The following DPP3 variants were observed in gnomAD, a reference collection of about 807,000 sequenced individuals.
The protein encoded by DPP3 is dipeptidyl peptidase 3, also known as DPP III.
A neutral mutation model predicts 89.8 loss-of-function variants in DPP3; 64 were observed. The ratio of observed to expected loss-of-function variants is 0.71; its 90% confidence interval spans 0.58 to 0.88. The LOEUF is 0.88. Ranked by LOEUF, DPP3 falls within the 40% of genes least tolerant of loss-of-function variation. The pLI is 0.00. For synonymous variants in DPP3, 377 were observed against 404.3 expected (o/e 0.93, Z 0.81); for missense variants, 835 against 972.5 (o/e 0.86, Z 1.88).
intron 8 of DPP3, 27 bp downstream of exon 8, chr11:66,491,651 C>T (rs1326275786): frequency 3.1e-6 from 5 of 1,605,842 alleles, no homozygotes; most frequent in Middle Eastern, 1.7e-4. Flanking sequence ...ACCCCACCTG[C>T]CCCCTCCTGC....
chr11:66,490,229 A>T (rs1016490576), intron 6 of DPP3, among the ~76,000 whole-genome samples: 1 of 151,820 alleles, frequency 6.6e-6, no homozygotes, highest in Non-Finnish European at 1.5e-5. Context: ...GTTTTTACAT[A>T]GCCTTGAAGT....
chr11:66,487,010 C>T (rs1423956160), intron 4 of DPP3, among the ~76,000 whole-genome samples: 2 of 152,154 alleles, frequency 1.3e-5, no homozygotes, highest in Admixed American at 6.5e-5. Context: ...CCTCTGGAGG[C>T]CACATCCGTT....
In DPP3 at chr11:66,501,546, C is replaced by T. The variant is rs560145528; in HGVS notation, c.1879-3066C>T. Among the ~76,000 whole-genome samples the T allele has an allele frequency of 1.1e-3, 170 of 152,090 alleles. 2 individuals are homozygous for T. Among genetic ancestry groups the T allele is most frequent in the African/African-American group, 2.6e-3 (109 of 41,498 alleles). On this transcript the variant is annotated intron_variant, in intron 16 of 17. Coordinates refer to ENST00000531863, the MANE Select transcript of DPP3 (RefSeq NM_130443.4). ...CAATATATACAGTTCAAAAACCGGC[C>T]GGGCACAGTGGCTCACCACTGTAAT...
chr11:66,483,048 C>T (rs547416629), intron 2 of DPP3: 4 of 142,302 alleles, frequency 2.8e-5, no homozygotes, highest in East Asian at 4.2e-4. Context: ...TTTTTTGTGA[C>T]AGAGTCTCAT....
chr11:66,497,375 C>T lies in DPP3; in HGVS notation c.1776C>T (p.Thr592=). Reference sequence around the variant, plus strand: ...AGGGACTCGTTACCATCACTCCCACCACAGGCTCCGATGGGCGCCCAGATG... The same window carrying T: ...AGGGACTCGTTACCATCACTCCCACTACAGGCTCCGATGGGCGCCCAGATG... ...AGEGLVTITP[T]TGSDGRPDAR... is the part of the protein sequence containing the mutation. Residue 592 remains threonine (T), a synonymous_variant, in exon 16 of 18, where the codon ACC becomes ACT. Transcript: ENST00000531863. 1 of 1,614,034 alleles carries T rather than the reference C, an allele frequency of 6.2e-7. No individual in the cohort carries two copies.
intron 3 of DPP3, among the ~76,000 whole-genome samples, chr11:66,486,168 C>G (rs1855221647): frequency 6.6e-6 from 1 of 152,090 alleles, no homozygotes; most frequent in South Asian, 2.1e-4. Context: ...GTCTTGAACT[C>G]CTGGGCTCAA....
chr11:66,492,605 C>A, intron 9 of DPP3, 111 bp from the exon 10 acceptor site: 1 of 1,309,966 alleles, frequency 7.6e-7, no homozygotes, highest in Non-Finnish European at 1.0e-6. Context: ...TCTTCCAGCC[C>A]AGGGTGACTG....
intron 15 of DPP3, among the ~76,000 whole-genome samples, chr11:66,496,339 C>T (rs561842165): frequency 4.6e-5 from 7 of 152,020 alleles, no homozygotes; most frequent in African/African-American, 1.2e-4. Flanking sequence ...CTCCGCCTCC[C>T]GGGTTCAAGC....
At chr11:66,490,145 T>TAA (rs201526861) in intron 6 of DPP3, among the ~76,000 whole-genome samples, 115 of 94,766 alleles carry the variant, frequency 1.2e-3, no homozygotes, top group East Asian at 4.0e-3. Context: ...AGATCCTATC[T>TAA]AAAAAAAAAA....
chr11:66,509,440 CTG>C lies in DPP3; in HGVS notation c.*192_*193del. On this transcript the variant is annotated 3_prime_UTR_variant, in exon 18 of 18. Coordinates refer to ENST00000531863, the MANE Select transcript of DPP3 (RefSeq NM_130443.4). ...TTCCAGCCTGCCAATTGCTTCCCCT[CTG>C]TGATCTCATTTCATCTGCACTGCCA... 6.6e-7 allele frequency: 1 copy of C among 1,525,436 alleles called. No homozygotes were observed. The highest frequency in any genetic ancestry group is 8.8e-7 in the Non-Finnish European group (1 of 1,137,248). The allele number at this position is 1,525,436 out of a possible 1,614,324, so 94.5% of individuals were successfully genotyped here.
In DPP3 at chr11:66,491,754, A is replaced by C; in HGVS notation, c.986A>C (p.Glu329Ala). 6.2e-7 allele frequency: 1 copy of C among 1,612,618 alleles called. No individual in the cohort carries two copies. Among genetic ancestry groups the C allele is most frequent in the African/African-American group, 1.3e-5 (1 of 74,428 alleles). ...CCCTTTGGTTCCCGAGGAGAATTTG[A>C]AGGTAACTTCCTCAGGGAGGAGGTC... ...RDPFGSRGEFEGFVAVVNKAM... is the reference protein window; with the variant it reads ...RDPFGSRGEFAGFVAVVNKAM... The change falls in exon 9 of 18, where the codon GAA becomes GCA. Residue 329 changes from glutamate (E) to alanine (A), a missense_variant and splice_region_variant. Coordinates refer to ENST00000531863, the MANE Select transcript of DPP3 (RefSeq NM_130443.4).
At chr11:66,503,257 G>A (rs879516194) in intron 16 of DPP3, among the ~76,000 whole-genome samples, 4 of 152,074 alleles carry the variant, frequency 2.6e-5, no homozygotes, top group Non-Finnish European at 5.9e-5. Context: ...ATGAGCCACC[G>A]TGCCCAGCCA....
chr11:66,491,771 G>A lies in DPP3; in HGVS notation c.988+15G>A, dbSNP rs745809852. 6 of 1,613,684 alleles carry A rather than the reference G, an allele frequency of 3.7e-6. No individual in the cohort carries two copies. Among genetic ancestry groups the A allele is most frequent in the Non-Finnish European group, 5.1e-6 (6 of 1,179,840 alleles). The stretch of plus-strand genomic sequence containing the variant: ...AGAATTTGAAGGTAACTTCCTCAGG[G>A]AGGAGGTCAGTCACAGTCCCTTCCC... On this transcript the variant is annotated intron_variant, in intron 9 of 17. Coordinates refer to ENST00000531863, the MANE Select transcript of DPP3 (RefSeq NM_130443.4).
Position 66,487,925 on chromosome 11 carries a change from C to T in DPP3, c.585C>T (p.Ala195=), listed in dbSNP as rs112570170. ...CTGGTCTCTTCTAGAACCTCAGTGCCTACAACACCCGGCTCTTCAAAGAGG... is the reference window on the plus strand; with the variant it reads ...CTGGTCTCTTCTAGAACCTCAGTGCTTACAACACCCGGCTCTTCAAAGAGG... ...QDFLDSQNLS[A]YNTRLFKEVD... The change falls in exon 6 of 18, where the codon GCC becomes GCT. Residue 195 remains alanine (A), a synonymous_variant. Transcript: ENST00000531863. 12 of 1,614,078 alleles carry T rather than the reference C, an allele frequency of 7.4e-6. No homozygotes were observed. In the African/African-American group the frequency reaches 8.0e-5, roughly 11 times the overall value.
At chr11:66,481,540 T>G (rs1855080904) in intron 1 of DPP3, among the ~76,000 whole-genome samples, 1 of 152,150 alleles carries the variant, frequency 6.6e-6, no homozygotes, top group Non-Finnish European at 1.5e-5. Flanking sequence ...GCTGGGAGCC[T>G]AGAGATGAGG....
At chr11:66,491,196 T>C in intron 6 of DPP3, 57 bp from the exon 7 acceptor site, 1 of 1,605,904 alleles carries the variant, frequency 6.2e-7, no homozygotes, top group Non-Finnish European at 8.5e-7. Context: ...AGGCCTTTTC[T>C]CTGAGTGAGG....
At chr11:66,499,246 C>T (rs1248809939) in intron 16 of DPP3, among the ~76,000 whole-genome samples, 1 of 151,248 alleles carries the variant, frequency 6.6e-6, no homozygotes, top group Non-Finnish European at 1.5e-5. Context: ...GCCTGTAATC[C>T]CAGCTACTTG....
rs543630858 is a variant in DPP3 at position 66,487,359 on chromosome 11, G to A, written c.573+17G>A. 1.1e-5 allele frequency: 17 copies of A among 1,613,004 alleles called. No homozygotes were observed. The highest frequency in any genetic ancestry group is 5.0e-5 in the Admixed American group (3 of 59,998). Reference sequence around the variant, plus strand: ...GACTCACAGGTTTGGGGTTAGGGGAGCTCAAGGTAGCAGAGGTTTGGTGGG... The same window carrying A: ...GACTCACAGGTTTGGGGTTAGGGGAACTCAAGGTAGCAGAGGTTTGGTGGG... On this transcript the variant is annotated intron_variant, in intron 5 of 17. Transcript: ENST00000531863.
intron 3 of DPP3, among the ~76,000 whole-genome samples, chr11:66,485,917 C>A (rs1431312506): frequency 4.3e-5 from 1 of 23,470 alleles, no homozygotes; most frequent in Non-Finnish European, 8.9e-5. Context: ...GCTAAATTTT[C>A]TTTTCTTTTC....
Sources: gnomAD v4.1 joint callset for allele counts (sites outside exome capture counted in the v4.1 genomes callset) on GRCh38, gnomAD v4.1.1 for gene constraint, MANE v1.5 for transcripts, NCBI Gene and HGNC (gene_info 2026-07-23, HGNC 2026-07-21) for gene names.